Variants in SPATA33 observed in about 807,000 individuals in gnomAD.
SPATA33 encodes spermatogenesis-associated protein 33.
A neutral mutation model predicts 8.9 loss-of-function variants in SPATA33; 10 were observed. The ratio of observed to expected loss-of-function variants is 1.12; its 90% CI spans 0.69 to 1.90. SPATA33 has a LOEUF of 1.90. SPATA33 is among the 40% of genes most tolerant of loss of function. The pLI, the probability that SPATA33 is intolerant of heterozygous loss-of-function variation, is 0.00. For synonymous variants in SPATA33, 96 were observed against 72.8 expected, an observed-to-expected ratio of 1.32 and a Z score of -1.63; for missense variants, 241 against 178.3, an observed-to-expected ratio of 1.35 and a Z score of -2.00.
chr16:89,665,273 G>A (rs746954928), intron 2 of SPATA33, among the ~76,000 whole-genome samples: 14 of 151,490 alleles, frequency 9.2e-5, no homozygotes, highest in Non-Finnish European at 1.5e-4. Context: ...GGGATTACAG[G>A]CGTGAGCCAC....
At chr16:89,666,726 G>C (rs1382254910) in intron 2 of SPATA33, among the ~76,000 whole-genome samples, 1 of 152,210 alleles carries the variant, frequency 6.6e-6, no homozygotes, top group African/African-American at 2.4e-5. Context: ...AGACAAAGGG[G>C]CAGGGTTAGG....
intron 2 of SPATA33, among the ~76,000 whole-genome samples, chr16:89,664,045 T>G (rs4785583): frequency 0.99 from 149,968 of 152,244 alleles, 73,895 homozygotes; most frequent in East Asian, 1. Context: ...CTTGACCCCA[T>G]GAGGTTGGGG....
chr16:89,669,101 G>A (rs2060063926), intron 2 of SPATA33, among the ~76,000 whole-genome samples, 185 bp from the exon 3 acceptor site: 1 of 152,104 alleles, frequency 6.6e-6, no homozygotes, highest in African/African-American at 2.4e-5. Context: ...AACCTTCATG[G>A]CTGAGTTGCA....
In SPATA33 at chr16:89,669,893, A is replaced by G. The variant is rs2437952; in HGVS notation, c.*396A>G. The G allele has an allele frequency of 0.99, 202,252 of 205,070 alleles. 99,750 individuals carry two copies. The highest frequency in any genetic ancestry group is 1 in the South Asian group (13,607 of 13,632). The allele number at this position is 205,070 out of a possible 1,614,324, so 12.7% of individuals were successfully genotyped here. On this transcript the variant is annotated 3_prime_UTR_variant, in exon 3 of 3. Coordinates refer to ENST00000579310, the MANE Select transcript of SPATA33 (RefSeq NM_001271907.2). ...GGGTTGCCCCACCCTGTGAGAAGCCACCGCCCCCTTCTCCAGTGCTCTCGG... is the reference window on the plus strand; with the variant it reads ...GGGTTGCCCCACCCTGTGAGAAGCCGCCGCCCCCTTCTCCAGTGCTCTCGG...
intron 2 of SPATA33, among the ~76,000 whole-genome samples, chr16:89,663,625 G>A (rs1258535504): frequency 3.9e-5 from 6 of 152,100 alleles, no homozygotes; most frequent in Non-Finnish European, 5.9e-5. Context: ...GGGCCTTGGC[G>A]TTGGGGTAGG....
chr16:89,658,337 G>T lies in SPATA33; in HGVS notation c.127G>T (p.Asp43Tyr), dbSNP rs149646248. 6.2e-7 allele frequency: 1 copy of T among 1,613,916 alleles called. No homozygotes were observed. Among genetic ancestry groups the T allele is most frequent in the African/African-American group, 1.3e-5 (1 of 74,956 alleles). ...EKHSQEARQA[D>Y]RESEKPVDSL... is the part of the protein sequence containing the mutation. ...GCATTCCCAGGAAGCCAGGCAGGCA[G>T]ACAGGGAGTCGGAGAAGCCTGTGGA... Residue 43 changes from aspartate (D) to tyrosine (Y), a missense_variant, in exon 2 of 3, where the codon GAC (aspartate) becomes TAC (tyrosine). Asp to Tyr is a radical substitution (Grantham distance 160). Coordinates refer to ENST00000579310, the MANE Select transcript of SPATA33 (RefSeq NM_001271907.2).
chr16:89,660,923 C>G (rs1011073637), intron 2 of SPATA33: 7 of 1,031,524 alleles, frequency 6.8e-6, no homozygotes, highest in Non-Finnish European at 8.1e-6. Context: ...GTCTTCTCAG[C>G]TTGGGGCATG....
chr16:89,658,242 T>C lies in SPATA33; in HGVS notation c.38-6T>C. 1 of 1,614,098 alleles carries C rather than the reference T, an allele frequency of 6.2e-7. No individual in the cohort carries two copies. Among genetic ancestry groups the C allele is most frequent in the Non-Finnish European group, 8.5e-7 (1 of 1,179,984 alleles). On this transcript the variant is annotated splice_polypyrimidine_tract_variant and splice_region_variant and intron_variant, in intron 1 of 2. Transcript: ENST00000579310. Reference sequence around the variant, plus strand: ...CCGGGTCTAACGGATGATCCATATATTTCAGGTGAGGAGCAAAAGAAGGGA... The same window carrying C: ...CCGGGTCTAACGGATGATCCATATACTTCAGGTGAGGAGCAAAAGAAGGGA...
intron 2 of SPATA33, among the ~76,000 whole-genome samples, chr16:89,661,933 A>T (rs896282107): frequency 3.5e-4 from 53 of 152,298 alleles, no homozygotes; most frequent in African/African-American, 1.3e-3. Context: ...ACGCTAAAAC[A>T]CAATCCCTAT....
At chr16:89,658,524 C>A in intron 2 of SPATA33, 103 bp downstream of exon 2, 1 of 1,409,452 alleles carries the variant, frequency 7.1e-7, no homozygotes, top group South Asian at 1.4e-5. Flanking sequence ...ACACTAGTAG[C>A]AGGCACGCGC....
At chr16:89,662,089 C>T (rs751656620) in intron 2 of SPATA33, among the ~76,000 whole-genome samples, 1 of 151,986 alleles carries the variant, frequency 6.6e-6, no homozygotes, top group African/African-American at 2.4e-5. Context: ...GTCAGGAGTT[C>T]GAGACCAGCA....
intron 2 of SPATA33, among the ~76,000 whole-genome samples, chr16:89,664,604 A>G (rs2060001703): frequency 6.7e-6 from 1 of 149,068 alleles, no homozygotes; most frequent in East Asian, 2.0e-4. Flanking sequence ...AAAGTGTCAG[A>G]GGCTCTTTAG....
chr16:89,664,882 G>T (rs547605949), intron 2 of SPATA33, among the ~76,000 whole-genome samples: 3 of 152,218 alleles, frequency 2.0e-5, no homozygotes, highest in Admixed American at 2.0e-4. Context: ...CACCCCTGAC[G>T]ACGAATGCAG....
intron 2 of SPATA33, 45 bp downstream of exon 2, chr16:89,658,466 G>A: frequency 6.4e-7 from 1 of 1,556,808 alleles, no homozygotes; most frequent in Non-Finnish European, 8.7e-7. Flanking sequence ...GTGGCTTGGA[G>A]GATCTGGGGC....
chr16:89,660,534 A>C, intron 2 of SPATA33: 1 of 1,231,912 alleles, frequency 8.1e-7, no homozygotes, highest in Non-Finnish European at 1.0e-6. Flanking sequence ...CACGCTCTCC[A>C]TGCAGTGACG....
intron 2 of SPATA33, chr16:89,661,126 A>G (rs1263797623): frequency 4.6e-5 from 45 of 985,378 alleles, no homozygotes; most frequent in Non-Finnish European, 5.1e-5. Flanking sequence ...GTTACTATGA[A>G]GCAGTAGTGA....
chr16:89,664,174 T>A (rs1597805285), intron 2 of SPATA33, among the ~76,000 whole-genome samples: 1 of 152,300 alleles, frequency 6.6e-6, no homozygotes, highest in East Asian at 1.9e-4. Flanking sequence ...TGCGTTAAAA[T>A]GTTAAACCTC....
At position 89,657,997 on chromosome 16, in the gene SPATA33, C is replaced by CGGGCCCAGGGCG. The variant is rs774913820; in HGVS notation, c.37+54_37+65dup. 3 of 1,502,296 alleles carry CGGGCCCAGGGCG rather than the reference C, an allele frequency of 2.0e-6. No individual in the cohort carries two copies. In the South Asian group the frequency reaches 3.7e-5, roughly 19 times the overall value. The allele number at this position is 1,502,296 out of a possible 1,614,324, so 93.1% of individuals were successfully genotyped here. Reference sequence around the variant, plus strand: ...CTCCCCGCGTCTCCGCCCCTGGGCGCGGGCCCAGGGCGGGGCTGGGCTGGG... The same window carrying CGGGCCCAGGGCG: ...CTCCCCGCGTCTCCGCCCCTGGGCGCGGGCCCAGGGCGGGGCCCAGGGCGGGGCTGGGCTGGG... On this transcript the variant is annotated intron_variant, in intron 1 of 2. Coordinates refer to ENST00000579310, the MANE Select transcript of SPATA33 (RefSeq NM_001271907.2).
At chr16:89,661,771 A>C (rs774747537) in intron 2 of SPATA33, among the ~76,000 whole-genome samples, 1 of 152,116 alleles carries the variant, frequency 6.6e-6, no homozygotes, top group Non-Finnish European at 1.5e-5. Context: ...ACCTGGGCTC[A>C]GTCACGCCTG....
Sources: gnomAD v4.1 joint callset for allele counts (sites outside exome capture counted in the v4.1 genomes callset) on GRCh38, gnomAD v4.1.1 for gene constraint, MANE v1.5 for transcripts, NCBI Gene and HGNC (gene_info 2026-07-23, HGNC 2026-07-21) for gene names.